The following ERC2 variants were observed in gnomAD, a reference collection of about 807,000 sequenced individuals.
ERC2 encodes ELKS/RAB6-interacting/CAST family member 2.
ERC2 carries 42 observed loss-of-function variants against 114.8 expected under a neutral mutation model. The ratio of observed to expected loss-of-function variants is 0.37; its 90% confidence interval spans 0.29 to 0.47. The LOEUF is 0.47. Among genes scored for constraint, ERC2 ranks in the 20% least tolerant of loss-of-function variants. The pLI is 0.99. For missense variants in ERC2, 939 were observed against 1,150.7 expected (o/e 0.82, Z 2.66); for synonymous variants, 454 against 425.5 (o/e 1.07, Z -0.82).
At chr3:56,154,217 T>C (rs532140435) in intron 4 of ERC2, among the ~76,000 whole-genome samples, 1 of 152,024 alleles carries the variant, frequency 6.6e-6, no homozygotes, top group Non-Finnish European at 1.5e-5. Context: ...CAGAAAGAAG[T>C]TGACTTAGGC....
At chr3:56,335,863 G>A (rs2057825224) in intron 2 of ERC2, among the ~76,000 whole-genome samples, 1 of 152,150 alleles carries the variant, frequency 6.6e-6, no homozygotes, top group Non-Finnish European at 1.5e-5. Flanking sequence ...TGCCAAGTGT[G>A]CGGGACTTGG....
chr3:56,117,975 C>T (rs570064045), intron 6 of ERC2, among the ~76,000 whole-genome samples: 1 of 152,254 alleles, frequency 6.6e-6, no homozygotes, highest in South Asian at 2.1e-4. Context: ...AAGAAGCCAC[C>T]CCAGGGAGAG....
At chr3:56,231,526 G>C (rs1279411969) in intron 3 of ERC2, among the ~76,000 whole-genome samples, 1 of 152,166 alleles carries the variant, frequency 6.6e-6, no homozygotes, top group Non-Finnish European at 1.5e-5. Flanking sequence ...ATCTAGACTG[G>C]CTACCTTGTA....
intron 17 of ERC2, among the ~76,000 whole-genome samples, chr3:55,580,289 G>A (rs2057196159): frequency 1.3e-5 from 2 of 151,886 alleles, no homozygotes; most frequent in African/African-American, 4.8e-5. Flanking sequence ...TTTGGGGAGG[G>A]GGTAGTGCTG....
intron 13 of ERC2, among the ~76,000 whole-genome samples, chr3:55,905,140 G>T (rs1398151751): frequency 6.6e-6 from 1 of 152,210 alleles, no homozygotes; most frequent in Non-Finnish European, 1.5e-5. Flanking sequence ...CAGTGCAGTG[G>T]CTCAATCTCG....
chr3:55,997,882 T>TG (rs200242237), intron 10 of ERC2, among the ~76,000 whole-genome samples: 30 of 12,634 alleles, frequency 2.4e-3, no homozygotes, highest in Middle Eastern at 0.05. Context: ...TTAATTCTGT[T>TG]TTTTTTTTTT....
At chr3:56,162,401 T>A (rs1034959183) in intron 4 of ERC2, among the ~76,000 whole-genome samples, 2 of 152,154 alleles carry the variant, frequency 1.3e-5, no homozygotes, top group African/African-American at 4.8e-5. Context: ...GTAGAATGAG[T>A]TAGGGAGGAG....
At chr3:56,201,494 A>G (rs1234230176) in intron 3 of ERC2, among the ~76,000 whole-genome samples, 1 of 152,206 alleles carries the variant, frequency 6.6e-6, no homozygotes, top group Non-Finnish European at 1.5e-5. Context: ...TTCCTTTCTA[A>G]GGAACTAGGA....
At chr3:55,665,288 A>C (rs750981504) in intron 17 of ERC2, among the ~76,000 whole-genome samples, 1 of 152,182 alleles carries the variant, frequency 6.6e-6, no homozygotes, top group Non-Finnish European at 1.5e-5. Flanking sequence ...GCCATTCCGC[A>C]AGGAATTTCA....
At position 55,691,086 on chromosome 3, in the gene ERC2, T is replaced by G. The variant is rs1162357698; in HGVS notation, c.2848-7227A>C. ...CACTGCAGGGTTACTCTACAGCTTC[T>G]GCTCTTAAAAACAAGCAAACAAATA... On this transcript the variant is annotated intron_variant, in intron 16 of 17. Coordinates refer to ENST00000288221, the MANE Select transcript of ERC2 (RefSeq NM_015576.3). Among the ~76,000 whole-genome samples, 7 of 152,350 alleles carry G rather than the reference T, an allele frequency of 4.6e-5. No individual in the cohort carries two copies. The South Asian group carries it at 1.2e-3, about 27-fold the overall frequency.
chr3:56,063,327 A>G (rs983398962), intron 7 of ERC2, among the ~76,000 whole-genome samples: 1 of 152,224 alleles, frequency 6.6e-6, no homozygotes, highest in African/African-American at 2.4e-5. Flanking sequence ...AACACATAGA[A>G]CTGTACACCA....
chr3:56,142,492 C>A (rs1162610585), intron 5 of ERC2, among the ~76,000 whole-genome samples: 1 of 151,906 alleles, frequency 6.6e-6, no homozygotes, highest in Non-Finnish European at 1.5e-5. Flanking sequence ...TTTCTTTGGG[C>A]TTATTCTATT....
intron 6 of ERC2, among the ~76,000 whole-genome samples, chr3:56,119,401 C>A (rs1471403571): frequency 6.6e-6 from 1 of 152,168 alleles, no homozygotes; most frequent in African/African-American, 2.4e-5. Context: ...TGTGTGATTT[C>A]TATCCACCAG....
At chr3:56,221,325 T>C (rs948892119) in intron 3 of ERC2, among the ~76,000 whole-genome samples, 11 of 151,786 alleles carry the variant, frequency 7.2e-5, no homozygotes, top group Non-Finnish European at 1.3e-4. Context: ...CAAACAATGT[T>C]ATTCTTCTGG....
chr3:55,568,671 C>G (rs1039918391), intron 17 of ERC2, among the ~76,000 whole-genome samples: 1 of 152,236 alleles, frequency 6.6e-6, no homozygotes, highest in Admixed American at 6.5e-5. Context: ...CTTCAATAGC[C>G]TTCCTGCCTT....
intron 13 of ERC2, among the ~76,000 whole-genome samples, chr3:55,944,338 G>T (rs918910777): frequency 3.9e-5 from 6 of 152,218 alleles, no homozygotes; most frequent in African/African-American, 1.4e-4. Context: ...TCTTCAGGGG[G>T]TAATTTAGTA....
chr3:56,332,647 C>G (rs141353752), intron 2 of ERC2, among the ~76,000 whole-genome samples: 1 of 152,218 alleles, frequency 6.6e-6, no homozygotes, highest in Non-Finnish European at 1.5e-5. Context: ...CAGTTTCACA[C>G]TAGAGCCACA....
intron 3 of ERC2, among the ~76,000 whole-genome samples, chr3:56,195,492 C>CGTGTGTGT (rs1280567714): frequency 1.3e-4 from 8 of 60,618 alleles, no homozygotes; most frequent in Non-Finnish European, 2.4e-4. Context: ...TTTGTGTGTG[C>CGTGTGTGT]GTGTGTGCGT....
chr3:55,891,928 T>C (rs1339375180), intron 13 of ERC2, among the ~76,000 whole-genome samples: 3 of 152,240 alleles, frequency 2.0e-5, no homozygotes, highest in East Asian at 3.8e-4. Context: ...CCCAAGTCTC[T>C]GTCCCTTCTT....
Sources: gnomAD v4.1 joint callset for allele counts (sites outside exome capture counted in the v4.1 genomes callset) on GRCh38, gnomAD v4.1.1 for gene constraint, MANE v1.5 for transcripts, NCBI Gene and HGNC (gene_info 2026-07-23, HGNC 2026-07-21) for gene names.